Variants in ANO10 observed in about 807,000 individuals in gnomAD.
The protein encoded by ANO10 is anoctamin-10.
In ANO10, 77 loss-of-function variants were observed where a neutral mutation model predicts 74.7. That is an observed-to-expected ratio of 1.03 (90% CI 0.86 to 1.25). The LOEUF (loss-of-function observed/expected upper bound fraction) is 1.25, where lower values mean the gene tolerates loss of function less well. Ranked by LOEUF, ANO10 falls within the 50% of genes most tolerant of loss-of-function variation. ANO10 has a pLI of 0.00. For missense variants in ANO10, 721 were observed against 778.1 expected (o/e 0.93, Z 0.87); for synonymous variants, 279 against 284.9 (o/e 0.98, Z 0.21).
chr3:43,612,161 TATATA>T (rs2082862244), intron 1 of ANO10, among the ~76,000 whole-genome samples: 1 of 131,080 alleles, frequency 7.6e-6, no homozygotes, highest in African/African-American at 3.0e-5. Flanking sequence ...TATATATATA[TATATA>T]TATATATATA....
intron 1 of ANO10, among the ~76,000 whole-genome samples, chr3:43,643,536 G>T (rs923972174): frequency 6.6e-6 from 1 of 151,810 alleles, no homozygotes; most frequent in African/African-American, 2.4e-5. Context: ...GAAATTGGGC[G>T]TCATTTCATA....
intron 4 of ANO10, among the ~76,000 whole-genome samples, chr3:43,588,088 T>G (rs1210937214): frequency 6.6e-6 from 1 of 152,108 alleles, no homozygotes; most frequent in East Asian, 1.9e-4. Flanking sequence ...CTAACATACT[T>G]TTAAAACAGA....
At chr3:43,431,154 C>G (rs1372109250) in intron 12 of ANO10, among the ~76,000 whole-genome samples, 1 of 151,626 alleles carries the variant, frequency 6.6e-6, no homozygotes, top group South Asian at 2.1e-4. Flanking sequence ...CTCATTACAG[C>G]CTTGACCTTC....
At chr3:43,451,661 TACAAG>T (rs1409370361) in intron 11 of ANO10, among the ~76,000 whole-genome samples, 1 of 152,262 alleles carries the variant, frequency 6.6e-6, no homozygotes, top group East Asian at 1.9e-4. Flanking sequence ...GCAAAAGAAA[TACAAG>T]ACAATTTTTT....
chr3:43,612,710 C>G (rs560838635), intron 1 of ANO10, among the ~76,000 whole-genome samples: 1 of 152,356 alleles, frequency 6.6e-6, no homozygotes, highest in South Asian at 2.1e-4. Context: ...GTGGCCAACA[C>G]TGCATAACAT....
At chr3:43,668,344 C>A (rs1052563890) in intron 1 of ANO10, among the ~76,000 whole-genome samples, 12 of 151,768 alleles carry the variant, frequency 7.9e-5, no homozygotes, top group Admixed American at 7.9e-4. Context: ...TCGTTAGATG[C>A]AAATTTTGTG....
chr3:43,627,014 A>T (rs951303177), intron 1 of ANO10, among the ~76,000 whole-genome samples: 1 of 148,038 alleles, frequency 6.8e-6, no homozygotes, highest in African/African-American at 2.5e-5. Context: ...TGTTCATCCA[A>T]GGTGACCATG....
intron 12 of ANO10, among the ~76,000 whole-genome samples, chr3:43,426,250 C>T (rs911443737): frequency 2.0e-5 from 3 of 152,172 alleles, no homozygotes; most frequent in Non-Finnish European, 4.4e-5. Context: ...CTCAGGACCT[C>T]GAGACTGTTC....
chr3:43,645,345 T>A (rs183071621), intron 1 of ANO10, among the ~76,000 whole-genome samples: 30 of 152,154 alleles, frequency 2.0e-4, no homozygotes, highest in African/African-American at 6.3e-4. Flanking sequence ...AAAAATTAGC[T>A]AGGCATGGTA....
At position 43,366,546 on chromosome 3, in the gene ANO10, T is replaced by G; in HGVS notation, c.*360A>C. The G allele has an allele frequency of 5.2e-6, 2 of 381,542 alleles. No individual in the cohort carries two copies. Among genetic ancestry groups the G allele is most frequent in the African/African-American group, 2.1e-5 (1 of 48,078 alleles). 23.6% of individuals were successfully genotyped at this position (381,542 alleles called of 1,614,324 possible). On this transcript the variant is annotated 3_prime_UTR_variant, in exon 13 of 13. Transcript: ENST00000292246. ...CTGTCCACGGGTCCCTGGGCCATGG[T>G]GGGGTTGGGAGTGACACTGCTATGA...
intron 1 of ANO10, among the ~76,000 whole-genome samples, chr3:43,620,779 GAA>G (rs59673480): frequency 6.6e-6 from 1 of 152,142 alleles, no homozygotes; most frequent in Non-Finnish European, 1.5e-5. Flanking sequence ...AAAACAAAAA[GAA>G]AAAAGTTTCA....
At chr3:43,671,521 C>T (rs1373650175) in intron 1 of ANO10, among the ~76,000 whole-genome samples, 1 of 151,930 alleles carries the variant, frequency 6.6e-6, no homozygotes, top group African/African-American at 2.4e-5. Flanking sequence ...TTTTGGAAAA[C>T]CATTTAGCAC....
intron 11 of ANO10, among the ~76,000 whole-genome samples, chr3:43,445,122 C>CG (rs34544321): frequency 3.3e-5 from 3 of 91,534 alleles, no homozygotes; most frequent in African/African-American, 1.3e-4. Context: ...GACTTTGCCT[C>CG]AAAAAAAAAA....
At chr3:43,580,018 G>A (rs1284403000) in intron 5 of ANO10, among the ~76,000 whole-genome samples, 1 of 151,384 alleles carries the variant, frequency 6.6e-6, no homozygotes, top group Non-Finnish European at 1.5e-5. Context: ...GGTGGTGCAC[G>A]CCTGTGATCT....
intron 11 of ANO10, among the ~76,000 whole-genome samples, chr3:43,483,336 T>C (rs2149092250): frequency 6.6e-6 from 1 of 152,344 alleles, no homozygotes; most frequent in Non-Finnish European, 1.5e-5. Flanking sequence ...ACAATTTTTG[T>C]CTTCAGGTGG....
At chr3:43,381,785 G>A (rs1014067113) in intron 12 of ANO10, among the ~76,000 whole-genome samples, 2 of 152,082 alleles carry the variant, frequency 1.3e-5, no homozygotes, top group Admixed American at 6.6e-5. Context: ...ATAAGCACAT[G>A]GAACATTCTC....
chr3:43,583,238 G>T (rs974808167), intron 4 of ANO10, among the ~76,000 whole-genome samples: 15 of 145,352 alleles, frequency 1.0e-4, no homozygotes, highest in East Asian at 1.0e-3. Context: ...TTGCTTTTTG[G>T]TTTTTTTTTT....
At chr3:43,452,157 T>C (rs2074906774) in intron 11 of ANO10, among the ~76,000 whole-genome samples, 1 of 152,226 alleles carries the variant, frequency 6.6e-6, no homozygotes, top group Non-Finnish European at 1.5e-5. Flanking sequence ...TGTAAATGTA[T>C]TCTTGTTTTT....
rs2076417444 is a variant in ANO10 at position 43,485,064 on chromosome 3, C to T, written c.1798-52337G>A. 7.8e-6 allele frequency: 10 copies of T among 1,289,336 alleles called. No homozygotes were observed. In the South Asian group the frequency reaches 8.6e-5, roughly 11 times the overall value. The allele number at this position is 1,289,336 out of a possible 1,614,324, so 79.9% of individuals were successfully genotyped here. A position where few individuals can be genotyped will look rare whatever the true frequency, so the allele number is the denominator to read the frequency against. The stretch of plus-strand genomic sequence containing the variant: ...GGCAGCAGGAACTTGATCTTGGAGT[C>T]GTGGAACTGCTTGACAGCCGGCCGG... On this transcript the variant is annotated intron_variant, in intron 11 of 12. Coordinates refer to ENST00000292246, the MANE Select transcript of ANO10 (RefSeq NM_018075.5).
Sources: allele counts gnomAD v4.1 joint callset (sites outside exome capture counted in the v4.1 genomes callset), GRCh38; gene constraint gnomAD v4.1.1; transcripts MANE v1.5; gene names NCBI Gene and HGNC (gene_info 2026-07-23, HGNC 2026-07-21).